EVL: variants seen among roughly 807,000 people sequenced by gnomAD.
EVL encodes Enah/Vasp-like, also known as ena/VASP-like protein.
EVL carries 21 observed loss-of-function variants against 59.6 expected under a neutral mutation model. The ratio of observed to expected loss-of-function variants is 0.35; its 90% CI spans 0.25 to 0.51. The LOEUF is 0.51. EVL is among the 20% of genes least tolerant of loss of function. The pLI is 0.97. For missense variants in EVL, 462 were observed against 546.6 expected (o/e 0.85, Z 1.54); for synonymous variants, 198 against 203.5 (o/e 0.97, Z 0.23).
chr14:99,996,419 T>C (rs746449688), intron 1 of EVL, among the ~76,000 whole-genome samples: 1 of 152,178 alleles, frequency 6.6e-6, no homozygotes, highest in Non-Finnish European at 1.5e-5. Flanking sequence ...GGGAACTAAT[T>C]TAATCCCTTT....
At chr14:100,099,265 G>A (rs1886035132) in intron 3 of EVL, among the ~76,000 whole-genome samples, 1 of 151,888 alleles carries the variant, frequency 6.6e-6, no homozygotes, top group Admixed American at 6.6e-5. Flanking sequence ...TAGGAGATCT[G>A]GGCATTGTGG....
rs2060744473 is a variant in EVL at position 99,972,863 on chromosome 14, G to GT, written c.5+807dup. Among the ~76,000 whole-genome samples the GT allele has an allele frequency of 1.3e-5, 2 of 150,966 alleles. No individual in the cohort carries two copies. Among genetic ancestry groups the GT allele is most frequent in the African/African-American group, 4.9e-5 (2 of 41,062 alleles). ...ACGTATCTCGTAAAAACTGTAGTTT[G>GT]TAACTATAGTTTCGTTTTGCCTGTT... On this transcript the variant is annotated intron_variant, in intron 1 of 13. Coordinates refer to the EVL transcript ENST00000402714. The surrounding 1 kb of genome is among the most constrained non-coding windows in gnomAD (Gnocchi z 4.4).
intron 1 of EVL, among the ~76,000 whole-genome samples, chr14:100,006,020 C>G (rs796709181): frequency 0.021 from 3,234 of 151,202 alleles, 71 homozygotes; most frequent in Admixed American, 0.054. Context: ...CCCCCCCCCC[C>G]CCCACACCGA....
chr14:100,126,586 G>T, intron 4 of EVL, 121 bp from the exon 5 acceptor site: 2 of 985,466 alleles, frequency 2.0e-6, no homozygotes, highest in Admixed American at 1.9e-5. Flanking sequence ...ACACAGTGGC[G>T]CTTGTGGAGC....
In EVL at chr14:100,130,536, GC is replaced by G. The variant is rs1271539626; in HGVS notation, c.839+854del. Among the ~76,000 whole-genome samples the G allele has an allele frequency of 6.6e-6, 1 of 152,142 alleles. No homozygotes were observed. The highest frequency in any genetic ancestry group is 1.5e-5 in the Non-Finnish European group (1 of 68,028). ...CACCTCCACCCCCTGCCACTTTGTC[GC>G]CTTCTCCTGGCCCTCCCAGCTGCCT... On this transcript the variant is annotated intron_variant, in intron 7 of 13. Transcript: ENST00000392920. This position sits in a 1 kb window ranked among gnomAD's most constrained non-coding sequence, Gnocchi z 4.8.
chr14:100,054,817 A>G (rs2061701814), intron 1 of EVL, among the ~76,000 whole-genome samples: 1 of 151,970 alleles, frequency 6.6e-6, no homozygotes, highest in Admixed American at 6.6e-5. Context: ...TTTTCTTTCA[A>G]TGGCACTGAC....
At chr14:100,034,097 G>A (rs1595593050) in intron 1 of EVL, among the ~76,000 whole-genome samples, 2 of 151,498 alleles carry the variant, frequency 1.3e-5, no homozygotes, top group Non-Finnish European at 2.9e-5. Context: ...AAAAACAGGC[G>A]TGGTGATGGG....
chr14:99,987,585 T>C (rs947239385), intron 1 of EVL, among the ~76,000 whole-genome samples: 12 of 152,194 alleles, frequency 7.9e-5, no homozygotes, highest in African/African-American at 2.2e-4. Context: ...GAGGTTGCAG[T>C]GAGCCGAGAT....
intron 1 of EVL, among the ~76,000 whole-genome samples, chr14:100,068,289 A>T (rs1011638615): frequency 7.9e-5 from 12 of 152,188 alleles, no homozygotes; most frequent in African/African-American, 2.9e-4. Flanking sequence ...GGGTCAAGAA[A>T]AATACAGAGG....
chr14:100,045,518 T>C (rs2061533856), intron 1 of EVL, among the ~76,000 whole-genome samples: 1 of 151,812 alleles, frequency 6.6e-6, no homozygotes, highest in African/African-American at 2.4e-5. Context: ...TGATTTTCAG[T>C]TTGCAAAGCA....
chr14:100,069,154 A>T (rs1187498986), intron 1 of EVL, among the ~76,000 whole-genome samples: 1 of 152,192 alleles, frequency 6.6e-6, no homozygotes, highest in Non-Finnish European at 1.5e-5. Flanking sequence ...CATTTATTGA[A>T]CTGCTGGATT....
chr14:100,007,172 A>C (rs895994440), intron 1 of EVL, among the ~76,000 whole-genome samples: 1 of 152,024 alleles, frequency 6.6e-6, no homozygotes, highest in Non-Finnish European at 1.5e-5. Context: ...GGTTTTGTAC[A>C]TTTTAGGGAG....
At chr14:100,071,981 A>G (rs926586847) in intron 1 of EVL, among the ~76,000 whole-genome samples, 1 of 152,168 alleles carries the variant, frequency 6.6e-6, no homozygotes, top group African/African-American at 2.4e-5. Flanking sequence ...ATGATTTAAT[A>G]ATTACTAAGG....
intron 1 of EVL, among the ~76,000 whole-genome samples, chr14:100,018,473 G>A (rs2061070229): frequency 6.6e-6 from 1 of 152,216 alleles, no homozygotes; most frequent in South Asian, 2.1e-4. Context: ...TGAGGAGTTA[G>A]TAATGCAGGG....
intron 1 of EVL, among the ~76,000 whole-genome samples, chr14:100,010,153 G>T (rs1166118764): frequency 6.6e-6 from 1 of 152,198 alleles, no homozygotes; most frequent in Non-Finnish European, 1.5e-5. Context: ...TCCCACAAGA[G>T]ACTTTGCAGG....
intron 3 of EVL, among the ~76,000 whole-genome samples, chr14:100,098,751 C>G (rs1360226516): frequency 6.6e-6 from 1 of 152,170 alleles, no homozygotes; most frequent in Non-Finnish European, 1.5e-5. Flanking sequence ...TGGAGTCACA[C>G]TGGTCAGTTT....
chr14:100,088,535 C>T (rs865956751), intron 2 of EVL, among the ~76,000 whole-genome samples: 30 of 152,144 alleles, frequency 2.0e-4, no homozygotes, highest in African/African-American at 7.2e-4. Flanking sequence ...ACCCATACAG[C>T]ATGTTACTGT....
intron 1 of EVL, among the ~76,000 whole-genome samples, chr14:100,032,364 G>A (rs2140219582): frequency 6.6e-6 from 1 of 152,256 alleles, no homozygotes; most frequent in Admixed American, 6.5e-5. Flanking sequence ...GGGCTGCTTG[G>A]TTGGGGCATT....
At chr14:100,076,222 C>T (rs771366182) in intron 1 of EVL, among the ~76,000 whole-genome samples, 8 of 152,236 alleles carry the variant, frequency 5.3e-5, no homozygotes, top group Non-Finnish European at 7.3e-5. Flanking sequence ...TACCACCAGG[C>T]TGCTGGTTGG....
Sources: allele counts gnomAD v4.1 joint callset (sites outside exome capture counted in the v4.1 genomes callset), GRCh38; gene constraint gnomAD v4.1.1; non-coding constraint Gnocchi (gnomAD v3.1); transcripts MANE v1.5; gene names NCBI Gene and HGNC (gene_info 2026-07-23, HGNC 2026-07-21).